Variants in SLC35F3 observed in about 807,000 individuals in gnomAD.
SLC35F3 encodes the protein putative thiamine transporter SLC35F3.
A neutral mutation model predicts 49.9 loss-of-function variants in SLC35F3; 25 were observed. The observed-to-expected ratio is 0.50, with a 90% CI of 0.37 to 0.70. The LOEUF (loss-of-function observed/expected upper bound fraction) is 0.70, where lower values mean the gene tolerates loss of function less well. Among genes scored for constraint, SLC35F3 ranks in the 30% least tolerant of loss-of-function variants. The probability of loss-of-function intolerance (pLI) is 0.00; values close to 1 mark genes in which losing one functional copy is unlikely to be tolerated. For missense variants in SLC35F3, 525 were observed against 639.8 expected (o/e 0.82, Z 1.94); for synonymous variants, 275 against 265.4 (o/e 1.04, Z -0.35).
At chr1:233,987,040 A>G (rs1433085610) in intron 2 of SLC35F3, among the ~76,000 whole-genome samples, 1 of 152,218 alleles carries the variant, frequency 6.6e-6, no homozygotes, top group East Asian at 1.9e-4. Flanking sequence ...TAATCCCAGC[A>G]CTTTGAGAGG....
At chr1:234,002,419 TG>T (rs1020289078) in intron 2 of SLC35F3, among the ~76,000 whole-genome samples, 2 of 152,208 alleles carry the variant, frequency 1.3e-5, no homozygotes, top group Non-Finnish European at 2.9e-5. Flanking sequence ...AGACTTTCTT[TG>T]ATTTTGAAGA....
At chr1:234,241,283 GGCTCCA>G (rs1468519082) in intron 3 of SLC35F3, among the ~76,000 whole-genome samples, 2 of 152,098 alleles carry the variant, frequency 1.3e-5, no homozygotes, top group Non-Finnish European at 2.9e-5. Flanking sequence ...ACGCACAGGA[GGCTCCA>G]GGGATATAGA....
intron 2 of SLC35F3, among the ~76,000 whole-genome samples, chr1:234,059,907 T>C (rs1341061926): frequency 6.6e-6 from 1 of 152,228 alleles, no homozygotes; most frequent in Admixed American, 6.5e-5. Flanking sequence ...TTATGTTTGC[T>C]GATTAGATGG....
At chr1:234,048,682 C>A (rs1051593848) in intron 2 of SLC35F3, among the ~76,000 whole-genome samples, 1 of 152,236 alleles carries the variant, frequency 6.6e-6, no homozygotes, top group East Asian at 1.9e-4. Context: ...GGGTTGGAAC[C>A]ACCTGGCATA....
chr1:234,209,544 T>C (rs906634007), intron 2 of SLC35F3, among the ~76,000 whole-genome samples: 2 of 152,110 alleles, frequency 1.3e-5, no homozygotes, highest in African/African-American at 4.8e-5. Flanking sequence ...TCCATATTCA[T>C]ATGGTCAATT....
At chr1:233,971,898 C>T (rs1364772381) in intron 2 of SLC35F3, among the ~76,000 whole-genome samples, 1 of 152,184 alleles carries the variant, frequency 6.6e-6, no homozygotes, top group Admixed American at 6.5e-5. Flanking sequence ...CCAGGCCTGT[C>T]ACCCCTGAGG....
intron 3 of SLC35F3, among the ~76,000 whole-genome samples, chr1:234,306,247 G>A (rs528725506): frequency 4.0e-4 from 61 of 152,206 alleles, no homozygotes; most frequent in African/African-American, 1.4e-3. Flanking sequence ...TGCAACCTCC[G>A]CCTCCCGGGT....
At chr1:233,985,120 G>A (rs1441332923) in intron 2 of SLC35F3, among the ~76,000 whole-genome samples, 3 of 152,122 alleles carry the variant, frequency 2.0e-5, no homozygotes, top group Non-Finnish European at 4.4e-5. Flanking sequence ...TCTGCTCAAC[G>A]GCCCTTAAAG....
At chr1:234,110,633 A>C (rs767865928) in intron 2 of SLC35F3, among the ~76,000 whole-genome samples, 4 of 152,248 alleles carry the variant, frequency 2.6e-5, no homozygotes, top group Non-Finnish European at 5.9e-5. Context: ...AAACACAATA[A>C]CCATATTCCA....
chr1:233,943,078 A>G (rs1235020374), intron 2 of SLC35F3, among the ~76,000 whole-genome samples: 4 of 152,256 alleles, frequency 2.6e-5, no homozygotes, highest in Non-Finnish European at 5.9e-5. Flanking sequence ...CCCAGTGTTC[A>G]TTGACAAATG....
At chr1:233,987,151 G>A (rs374578345) in intron 2 of SLC35F3, among the ~76,000 whole-genome samples, 9 of 152,052 alleles carry the variant, frequency 5.9e-5, no homozygotes, top group Admixed American at 1.3e-4. Context: ...TTAGCCAGGC[G>A]TGGTGGCACA....
At chr1:234,033,998 T>C (rs753191082) in intron 2 of SLC35F3, among the ~76,000 whole-genome samples, 19 of 152,204 alleles carry the variant, frequency 1.2e-4, no homozygotes, top group Admixed American at 1.0e-3. Context: ...CATGGAGTGT[T>C]CTTCCATTTG....
At chr1:234,248,241 CGGTTGTTTG>C (rs1667676165) in intron 3 of SLC35F3, among the ~76,000 whole-genome samples, 10 of 111,898 alleles carry the variant, frequency 8.9e-5, no homozygotes, top group East Asian at 2.6e-4. Context: ...TTTGGTGGGT[CGGTTGTTTG>C]GTCCATTGTT....
At chr1:233,907,429 C>T (rs765008858) in intron 2 of SLC35F3, among the ~76,000 whole-genome samples, 3 of 152,066 alleles carry the variant, frequency 2.0e-5, no homozygotes, top group Non-Finnish European at 4.4e-5. Context: ...AAATGGAGTC[C>T]CTTGCATCAC....
intron 2 of SLC35F3, among the ~76,000 whole-genome samples, chr1:234,018,807 G>A (rs988738403): frequency 6.6e-6 from 1 of 152,202 alleles, no homozygotes; most frequent in Non-Finnish European, 1.5e-5. Context: ...ATGGTCCAGG[G>A]TGTCATTTGG....
At chr1:233,962,340 C>T (rs187125273) in intron 2 of SLC35F3, among the ~76,000 whole-genome samples, 1 of 152,208 alleles carries the variant, frequency 6.6e-6, no homozygotes, top group Admixed American at 6.5e-5. Context: ...TATGCTTGTC[C>T]AAGTTCTTAT....
At chr1:234,140,910 G>C (rs550078945) in intron 2 of SLC35F3, among the ~76,000 whole-genome samples, 2 of 152,132 alleles carry the variant, frequency 1.3e-5, no homozygotes, top group South Asian at 2.1e-4. Flanking sequence ...TTGGCAAAAG[G>C]GTTTACTTAT....
intron 2 of SLC35F3, among the ~76,000 whole-genome samples, chr1:234,124,827 G>C (rs747255): frequency 0.13 from 20,334 of 151,598 alleles, 2,883 homozygotes; most frequent in East Asian, 0.78. Context: ...ATGAGCAACA[G>C]AGAAAGACTC....
At chr1:234,299,824 A>AC (rs1668665434) in intron 3 of SLC35F3, among the ~76,000 whole-genome samples, 1 of 146,812 alleles carries the variant, frequency 6.8e-6, no homozygotes, top group African/African-American at 2.5e-5. Context: ...AAAAAAAAAA[A>AC]GAGAAGAAAA....
Sources: allele counts gnomAD v4.1 joint callset (sites outside exome capture counted in the v4.1 genomes callset), GRCh38; gene constraint gnomAD v4.1.1; transcripts MANE v1.5; gene names NCBI Gene and HGNC (gene_info 2026-07-23, HGNC 2026-07-21).